GRM1: variants seen among roughly 807,000 people sequenced by gnomAD.
The protein encoded by GRM1 is glutamate metabotropic receptor 1.
GRM1 carries 33 observed loss-of-function variants against 90.9 expected under a neutral mutation model. The ratio of observed to expected loss-of-function variants is 0.36; its 90% CI spans 0.28 to 0.49. The LOEUF (loss-of-function observed/expected upper bound fraction) is 0.49, where lower values mean the gene tolerates loss of function less well. Among genes scored for constraint, GRM1 ranks in the 20% least tolerant of loss-of-function variants. The probability of loss-of-function intolerance (pLI) is 0.99; values close to 1 mark genes in which losing one functional copy is unlikely to be tolerated. For synonymous variants in GRM1, 700 were observed against 613.2 expected, an observed-to-expected ratio of 1.14 and a Z score of -2.09; for missense variants, 1,190 against 1,534.3, an observed-to-expected ratio of 0.78 and a Z score of 3.75.
At position 146,150,394 on chromosome 6, in the gene GRM1, C is replaced by G. The variant is rs111716389; in HGVS notation, c.701-8954C>G. ...CACAGAAATTCTTATTTTTGTTTTA[C>G]CCTTTATTACTAATTTAAAAAAATT... On this transcript the variant is annotated intron_variant, in intron 1 of 7. Transcript: ENST00000282753. 5.8e-3 allele frequency among the ~76,000 whole-genome samples: 879 copies of G among 152,016 alleles called. 8 individuals carry two copies. The highest frequency in any genetic ancestry group is 0.02 in the African/African-American group (840 of 41,460).
chr6:146,360,141 A>G (rs536830766), intron 5 of GRM1, among the ~76,000 whole-genome samples: 9 of 152,298 alleles, frequency 5.9e-5, no homozygotes, highest in African/African-American at 2.2e-4. Context: ...TAGGACATAC[A>G]CTTGTATTAA....
chr6:146,401,739 GA>G (rs1777167248), intron 7 of GRM1, among the ~76,000 whole-genome samples: 1 of 152,190 alleles, frequency 6.6e-6, no homozygotes. Context: ...ATGGTAAAGA[GA>G]AAACCTATAT....
intron 2 of GRM1, among the ~76,000 whole-genome samples, chr6:146,201,928 A>G (rs564851770): frequency 2.6e-5 from 4 of 152,340 alleles, no homozygotes; most frequent in African/African-American, 7.2e-5. Flanking sequence ...CCATGTGGGC[A>G]TTCCTGTGTT....
intron 2 of GRM1, among the ~76,000 whole-genome samples, chr6:146,203,642 CT>C (rs1562527232): frequency 6.6e-6 from 1 of 152,162 alleles, no homozygotes; most frequent in African/African-American, 2.4e-5. Context: ...AGACTTGTGA[CT>C]CAGTGAACTT....
chr6:146,291,405 A>G (rs1055204426), intron 2 of GRM1, among the ~76,000 whole-genome samples: 1 of 150,888 alleles, frequency 6.6e-6, no homozygotes, highest in Non-Finnish European at 1.5e-5. Context: ...TTTATTTTAT[A>G]CTTTGTAAAG....
chr6:146,198,598 C>T (rs1583152691), intron 2 of GRM1, among the ~76,000 whole-genome samples: 1 of 151,994 alleles, frequency 6.6e-6, no homozygotes, highest in African/African-American at 2.4e-5. Flanking sequence ...ACCTAGTGGG[C>T]CCACCTTAAA....
intron 1 of GRM1, among the ~76,000 whole-genome samples, chr6:146,095,799 G>A (rs377073717): frequency 6.6e-5 from 10 of 152,092 alleles, no homozygotes; most frequent in East Asian, 1.9e-4. Context: ...TTATGGTGGC[G>A]TTTTATACTC....
chr6:146,228,222 A>G (rs1271935545), intron 2 of GRM1, among the ~76,000 whole-genome samples: 2 of 152,182 alleles, frequency 1.3e-5, no homozygotes, highest in South Asian at 2.1e-4. Context: ...ACAAAATACC[A>G]TAGACTAAGT....
chr6:146,157,535 T>C (rs1032461024), intron 1 of GRM1, among the ~76,000 whole-genome samples: 1 of 152,180 alleles, frequency 6.6e-6, no homozygotes, highest in Non-Finnish European at 1.5e-5. Flanking sequence ...AGCAAATACA[T>C]TGACCTAGGC....
intron 2 of GRM1, chr6:146,171,458 CA>C: frequency 6.0e-6 from 1 of 166,244 alleles, no homozygotes. Context: ...AGAATTTGCT[CA>C]AAATCAGCCA....
intron 1 of GRM1, among the ~76,000 whole-genome samples, chr6:146,116,746 T>C (rs1192073647): frequency 6.6e-6 from 1 of 152,126 alleles, no homozygotes; most frequent in Admixed American, 6.5e-5. Flanking sequence ...ATAAGTCTTT[T>C]ACATTTTTCA....
At chr6:146,058,444 C>T (rs1775555429) in intron 1 of GRM1, among the ~76,000 whole-genome samples, 1 of 152,046 alleles carries the variant, frequency 6.6e-6, no homozygotes, top group African/African-American at 2.4e-5. Flanking sequence ...TAATTAAAAA[C>T]AGTTTACTGC....
intron 2 of GRM1, among the ~76,000 whole-genome samples, chr6:146,191,755 T>C (rs1778941057): frequency 1.3e-5 from 2 of 152,218 alleles, no homozygotes; most frequent in Non-Finnish European, 2.9e-5. Flanking sequence ...TATCCATCTT[T>C]GGTTGGATCT....
intron 2 of GRM1, among the ~76,000 whole-genome samples, chr6:146,166,610 C>T (rs1344277460): frequency 3.3e-5 from 5 of 152,118 alleles, no homozygotes; most frequent in Admixed American, 6.6e-5. Flanking sequence ...GGCCTACTGA[C>T]CTGCCCTCTG....
intron 2 of GRM1, among the ~76,000 whole-genome samples, chr6:146,236,378 C>T (rs1485979823): frequency 6.6e-6 from 1 of 152,120 alleles, no homozygotes; most frequent in East Asian, 1.9e-4. Flanking sequence ...GGTTTTTCCA[C>T]CATCACCTTT....
chr6:146,147,687 C>T (rs1777164036), intron 1 of GRM1, among the ~76,000 whole-genome samples: 1 of 152,124 alleles, frequency 6.6e-6, no homozygotes, highest in African/African-American at 2.4e-5. Flanking sequence ...ATGAGCCAGC[C>T]ATCCTGTGCT....
intron 1 of GRM1, among the ~76,000 whole-genome samples, chr6:146,065,108 C>A (rs759323438): frequency 1.4e-4 from 21 of 152,112 alleles, no homozygotes; most frequent in Non-Finnish European, 2.5e-4. Context: ...CAGTTATGAA[C>A]CCTTCCTTGA....
chr6:146,314,003 AATT>A (rs1039680726), intron 3 of GRM1, among the ~76,000 whole-genome samples: 2 of 147,448 alleles, frequency 1.4e-5, no homozygotes, highest in Non-Finnish European at 3.0e-5. Flanking sequence ...TACTCAGCAC[AATT>A]ATTTTGAGAT....
At chr6:146,067,140 A>G (rs1323334817) in intron 1 of GRM1, among the ~76,000 whole-genome samples, 3 of 152,186 alleles carry the variant, frequency 2.0e-5, no homozygotes, top group Non-Finnish European at 2.9e-5. Flanking sequence ...TCTGGCATTA[A>G]TGAATTTCGC....
Sources: allele counts gnomAD v4.1 joint callset (sites outside exome capture counted in the v4.1 genomes callset), GRCh38; gene constraint gnomAD v4.1.1; transcripts MANE v1.5; gene names NCBI Gene and HGNC (gene_info 2026-07-23, HGNC 2026-07-21).